LRRC4C: variants seen among roughly 807,000 people sequenced by gnomAD.
LRRC4C encodes the protein leucine-rich repeat-containing protein 4C.
Under a neutral mutation model 33.6 loss-of-function variants are expected in LRRC4C, and 5 were observed. That is an observed-to-expected ratio of 0.15 (90% CI 0.08 to 0.31). The LOEUF is 0.31. LRRC4C is among the 10% of genes least tolerant of loss of function. The pLI is 1.00. For missense variants in LRRC4C, 560 were observed against 796.7 expected, an observed-to-expected ratio of 0.70 and a Z score of 3.58; for synonymous variants, 329 against 302.0, an observed-to-expected ratio of 1.09 and a Z score of -0.93.
intron 1 of LRRC4C, among the ~76,000 whole-genome samples, chr11:41,228,377 C>A (rs571682536): frequency 2.6e-5 from 4 of 151,932 alleles, no homozygotes; most frequent in African/African-American, 9.7e-5. Flanking sequence ...TGAAGTTTAG[C>A]TAAATGTAGA....
intron 2 of LRRC4C, among the ~76,000 whole-genome samples, chr11:40,783,165 C>T (rs1950282107): frequency 6.6e-6 from 1 of 152,234 alleles, no homozygotes; most frequent in Non-Finnish European, 1.5e-5. Context: ...AAATATTGAA[C>T]ACTATGCTTT....
At chr11:41,269,339 C>T (rs894393865) in intron 1 of LRRC4C, among the ~76,000 whole-genome samples, 2 of 151,958 alleles carry the variant, frequency 1.3e-5, no homozygotes, top group African/African-American at 4.8e-5. Context: ...GTTCTTTTCT[C>T]CCTTCATCTA....
At chr11:40,874,598 T>A (rs1225028993) in intron 2 of LRRC4C, among the ~76,000 whole-genome samples, 1 of 152,176 alleles carries the variant, frequency 6.6e-6, no homozygotes, top group African/African-American at 2.4e-5. Flanking sequence ...CTACCCGAAA[T>A]GCTGCAACTG....
At chr11:41,339,399 C>T (rs1046930873) in intron 1 of LRRC4C, among the ~76,000 whole-genome samples, 1 of 152,116 alleles carries the variant, frequency 6.6e-6, no homozygotes. Flanking sequence ...GAAGACATAA[C>T]TTTCATGTAA....
At chr11:40,710,116 C>G (rs1013954644) in intron 2 of LRRC4C, among the ~76,000 whole-genome samples, 4 of 152,100 alleles carry the variant, frequency 2.6e-5, no homozygotes, top group African/African-American at 9.7e-5. Flanking sequence ...TTTTTAGCTT[C>G]TTTGCGATGG....
chr11:41,447,797 A>G (rs1047436625), intron 1 of LRRC4C, among the ~76,000 whole-genome samples: 1 of 152,178 alleles, frequency 6.6e-6, no homozygotes, highest in Non-Finnish European at 1.5e-5. Context: ...ACTGCCATTC[A>G]TTCTTCTATC....
intron 3 of LRRC4C, among the ~76,000 whole-genome samples, chr11:40,632,448 T>C (rs1963552678): frequency 6.6e-6 from 1 of 152,220 alleles, no homozygotes; most frequent in South Asian, 2.1e-4. Flanking sequence ...CATGCAAGCA[T>C]GCTTCTCTTT....
intron 1 of LRRC4C, among the ~76,000 whole-genome samples, chr11:41,173,088 C>T (rs886735109): frequency 1.3e-5 from 2 of 152,100 alleles, no homozygotes; most frequent in African/African-American, 4.8e-5. Flanking sequence ...ACAACTTCTG[C>T]AGGCCATTCT....
chr11:40,547,151 G>A (rs1191674608), intron 3 of LRRC4C, among the ~76,000 whole-genome samples: 1 of 152,000 alleles, frequency 6.6e-6, no homozygotes, highest in Non-Finnish European at 1.5e-5. Flanking sequence ...TTTCCCCAGG[G>A]CCATATCAGC....
chr11:40,199,712 T>C (rs1309319298), intron 5 of LRRC4C, among the ~76,000 whole-genome samples: 2 of 152,146 alleles, frequency 1.3e-5, no homozygotes, highest in Non-Finnish European at 2.9e-5. Context: ...CTATATCTGA[T>C]TATATATTTT....
intron 3 of LRRC4C, among the ~76,000 whole-genome samples, chr11:40,445,137 T>C (rs913009897): frequency 2.0e-5 from 3 of 152,144 alleles, no homozygotes; most frequent in Non-Finnish European, 4.4e-5. Flanking sequence ...ATATTCCCTA[T>C]AAAAATCTCA....
At position 40,289,094 on chromosome 11, in the gene LRRC4C, T is replaced by G. The variant is rs552784667; in HGVS notation, c.-176+30534A>C. Among the ~76,000 whole-genome samples the G allele has an allele frequency of 6.0e-4, 91 of 152,334 alleles. 4 individuals carry two copies. In the South Asian group the frequency reaches 0.017, roughly 29 times the overall value. Reference sequence around the variant, plus strand: ...AGCACTTTATATCTAAAATAATATATTGAGCCAATCTGTCCTGATAAGACC... The same window carrying G: ...AGCACTTTATATCTAAAATAATATAGTGAGCCAATCTGTCCTGATAAGACC... On this transcript the variant is annotated intron_variant, in intron 4 of 6. Coordinates refer to ENST00000528697, the MANE Select transcript of LRRC4C (RefSeq NM_001258419.2).
chr11:40,254,677 G>A (rs774368700), intron 4 of LRRC4C, among the ~76,000 whole-genome samples: 18 of 152,180 alleles, frequency 1.2e-4, no homozygotes, highest in Non-Finnish European at 2.4e-4. Context: ...ATGTATGAGT[G>A]CCTACTATGT....
intron 2 of LRRC4C, among the ~76,000 whole-genome samples, chr11:40,665,819 T>TAGCTTTTC (rs1943775442): frequency 6.6e-6 from 1 of 152,138 alleles, no homozygotes; most frequent in African/African-American, 2.4e-5. Flanking sequence ...CCTTATTAGA[T>TAGCTTTTC]TAGCCAGTCA....
At chr11:40,843,993 G>T (rs577232386) in intron 2 of LRRC4C, among the ~76,000 whole-genome samples, 65 of 152,202 alleles carry the variant, frequency 4.3e-4, no homozygotes, top group Non-Finnish European at 7.8e-4. Context: ...CTCTAACTTT[G>T]AAAGATGCAG....
At chr11:40,600,055 C>T (rs1959820854) in intron 3 of LRRC4C, among the ~76,000 whole-genome samples, 1 of 152,156 alleles carries the variant, frequency 6.6e-6, no homozygotes, top group Non-Finnish European at 1.5e-5. Flanking sequence ...AACACTGATG[C>T]TCAATAATTG....
chr11:41,345,271 C>T lies in LRRC4C; in HGVS notation c.-496+114160G>A, dbSNP rs560583047. 3.4e-3 allele frequency among the ~76,000 whole-genome samples: 514 copies of T among 152,264 alleles called. 2 individuals are homozygous for T. Among genetic ancestry groups the T allele is most frequent in the Non-Finnish European group, 5.5e-3 (376 of 68,020 alleles). ...ACTTGAAGACAATTTATGACACACACTCATCTCTGACTCAGAGAGGGAAAA... is the reference window on the plus strand; with the variant it reads ...ACTTGAAGACAATTTATGACACACATTCATCTCTGACTCAGAGAGGGAAAA... On this transcript the variant is annotated intron_variant, in intron 1 of 6. Transcript: ENST00000528697.
intron 3 of LRRC4C, among the ~76,000 whole-genome samples, chr11:40,414,665 G>A (rs1347999): frequency 0.34 from 51,367 of 151,788 alleles, 9,852 homozygotes; most frequent in South Asian, 0.46. Flanking sequence ...TTTAAAAAAA[G>A]ACCTATAAAA....
intron 3 of LRRC4C, among the ~76,000 whole-genome samples, chr11:40,379,519 A>T (rs1276948191): frequency 1.3e-5 from 2 of 152,160 alleles, no homozygotes; most frequent in Non-Finnish European, 2.9e-5. Context: ...AGCTGAAATT[A>T]CTTTTATCTT....
Sources: allele counts gnomAD v4.1 joint callset (sites outside exome capture counted in the v4.1 genomes callset), GRCh38; gene constraint gnomAD v4.1.1; transcripts MANE v1.5; gene names NCBI Gene and HGNC (gene_info 2026-07-23, HGNC 2026-07-21).